ZMAT4: variants seen among roughly 807,000 people sequenced by gnomAD.
ZMAT4 encodes zinc finger matrin-type protein 4.
ZMAT4 carries 17 observed loss-of-function variants against 28.7 expected under a neutral mutation model. The ratio of observed to expected loss-of-function variants is 0.59; its 90% CI spans 0.41 to 0.89. The LOEUF is 0.89. Among genes scored for constraint, ZMAT4 ranks in the 40% least tolerant of loss-of-function variants. The pLI, the probability that ZMAT4 is intolerant of heterozygous loss-of-function variation, is 0.00. For missense variants in ZMAT4, 240 were observed against 283.8 expected (o/e 0.85, Z 1.11); for synonymous variants, 117 against 109.2 (o/e 1.07, Z -0.44).
Position 40,859,597 on chromosome 8 carries a change from C to T in ZMAT4, c.-4-33917G>A, listed in dbSNP as rs150773129. Among the ~76,000 whole-genome samples, 606 of 152,280 alleles carry T rather than the reference C, an allele frequency of 4.0e-3. 3 individuals are homozygous for T. The highest frequency in any genetic ancestry group is 6.8e-3 in the Non-Finnish European group (465 of 68,020). On this transcript the variant is annotated intron_variant, in intron 1 of 6. Coordinates refer to ENST00000297737, the MANE Select transcript of ZMAT4 (RefSeq NM_024645.3). ...AGACAACCCCAATTAAGGACAGAAG[C>T]TCCAGGTAAGAGGCAGTTTCTCCTC...
intron 1 of ZMAT4, among the ~76,000 whole-genome samples, chr8:40,894,165 C>G (rs57639986): frequency 1.8e-4 from 27 of 152,306 alleles, no homozygotes; most frequent in Admixed American, 1.3e-3. Flanking sequence ...TGAGGGCTTG[C>G]GGCTGGTGGG....
chr8:40,847,170 C>T (rs1816932841), intron 1 of ZMAT4, among the ~76,000 whole-genome samples: 1 of 150,050 alleles, frequency 6.7e-6, no homozygotes, highest in African/African-American at 2.5e-5. Context: ...TGCCACTGCA[C>T]TCCAGCCTGG....
intron 2 of ZMAT4, among the ~76,000 whole-genome samples, chr8:40,800,187 A>T (rs1019933612): frequency 1.2e-4 from 18 of 152,248 alleles, no homozygotes; most frequent in African/African-American, 4.3e-4. Context: ...ATTCTCCAAG[A>T]AGACATAACA....
At chr8:40,765,235 G>T (rs1299423075) in intron 3 of ZMAT4, among the ~76,000 whole-genome samples, 1 of 151,990 alleles carries the variant, frequency 6.6e-6, no homozygotes, top group African/African-American at 2.4e-5. Flanking sequence ...TATATATTCA[G>T]TCTCTCAATT....
intron 2 of ZMAT4, among the ~76,000 whole-genome samples, chr8:40,805,638 AGGGACAT>A (rs1420203867): frequency 6.8e-6 from 1 of 146,018 alleles, no homozygotes; most frequent in African/African-American, 2.6e-5. Flanking sequence ...TGTCCTTTGT[AGGGACAT>A]GGATGAAATC....
At position 40,625,820 on chromosome 8, in the gene ZMAT4, A is replaced by C. The variant is rs1806353445; in HGVS notation, c.578-44559T>G. Among the ~76,000 whole-genome samples the C allele has an allele frequency of 5.0e-5, 5 of 99,636 alleles. No individual in the cohort carries two copies. In the Admixed American group the frequency reaches 6.3e-4, roughly 12 times the overall value. The allele number at this position is 99,636 out of a possible 152,430, so 65.4% of individuals were successfully genotyped here. On this transcript the variant is annotated intron_variant, in intron 5 of 6. Coordinates refer to ENST00000297737, the MANE Select transcript of ZMAT4 (RefSeq NM_024645.3). ...TTTGTTAGTCATCTGCATAAAGACCAGACTGGGGGGCTGGGCGCGGTGGAA... is the reference window on the plus strand; with the variant it reads ...TTTGTTAGTCATCTGCATAAAGACCCGACTGGGGGGCTGGGCGCGGTGGAA...
chr8:40,701,961 C>A (rs1478628739), intron 3 of ZMAT4, among the ~76,000 whole-genome samples: 1 of 152,118 alleles, frequency 6.6e-6, no homozygotes, highest in Admixed American at 6.5e-5. Context: ...AGAGATGGGA[C>A]CTTTAAGAAG....
intron 6 of ZMAT4, among the ~76,000 whole-genome samples, chr8:40,558,973 G>A (rs181325483): frequency 1.9e-4 from 29 of 152,328 alleles, no homozygotes; most frequent in Non-Finnish European, 3.4e-4. Context: ...GGCCATGCCA[G>A]AAAAGGGTTA....
intron 2 of ZMAT4, among the ~76,000 whole-genome samples, chr8:40,820,158 A>ATGTGTG (rs138729547): frequency 1.4e-5 from 2 of 147,250 alleles, no homozygotes; most frequent in Admixed American, 6.8e-5. Context: ...ATATGCGAAT[A>ATGTGTG]TGTGTGTGTG....
intron 5 of ZMAT4, among the ~76,000 whole-genome samples, chr8:40,647,732 A>C (rs1250085733): frequency 6.6e-6 from 1 of 152,186 alleles, no homozygotes; most frequent in Non-Finnish European, 1.5e-5. Context: ...GAGATCTGAG[A>C]ACGGACAGAC....
intron 4 of ZMAT4, among the ~76,000 whole-genome samples, chr8:40,682,813 T>G (rs1324948249): frequency 4.6e-5 from 7 of 152,228 alleles, no homozygotes; most frequent in African/African-American, 1.7e-4. Flanking sequence ...TTCATTAATA[T>G]AGAATAATTC....
intron 2 of ZMAT4, among the ~76,000 whole-genome samples, chr8:40,815,425 G>A (rs949072671): frequency 6.6e-6 from 1 of 152,166 alleles, no homozygotes; most frequent in African/African-American, 2.4e-5. Flanking sequence ...AGAGTCAAGG[G>A]TCTACACTGA....
chr8:40,892,086 C>A (rs891196035), intron 1 of ZMAT4, among the ~76,000 whole-genome samples: 1 of 152,198 alleles, frequency 6.6e-6, no homozygotes, highest in African/African-American at 2.4e-5. Flanking sequence ...ACTGGGCCAC[C>A]ACTCCACCCT....
Position 40,749,672 on chromosome 8 carries a change from T to C in ZMAT4, c.192+17969A>G, listed in dbSNP as rs1267179162. Among the ~76,000 whole-genome samples, 10 of 152,216 alleles carry C rather than the reference T, an allele frequency of 6.6e-5. 1 individual carries two copies. Among genetic ancestry groups the C allele is most frequent in the Non-Finnish European group, 1.3e-4 (9 of 68,030 alleles). ...TCACAAAAAATGTTCTACAGGAACCTGGGACTACTAAGGTCACTTATGCAT... is the reference window on the plus strand; with the variant it reads ...TCACAAAAAATGTTCTACAGGAACCCGGGACTACTAAGGTCACTTATGCAT... On this transcript the variant is annotated intron_variant, in intron 3 of 6. Coordinates refer to ENST00000297737, the MANE Select transcript of ZMAT4 (RefSeq NM_024645.3).
At chr8:40,559,370 C>A (rs1216013721) in intron 6 of ZMAT4, among the ~76,000 whole-genome samples, 1 of 152,162 alleles carries the variant, frequency 6.6e-6, no homozygotes, top group Non-Finnish European at 1.5e-5. Flanking sequence ...ATGTAACATG[C>A]ATGTTTGTTC....
intron 1 of ZMAT4, among the ~76,000 whole-genome samples, chr8:40,877,373 G>A (rs1391873741): frequency 2.6e-5 from 4 of 152,140 alleles, no homozygotes; most frequent in African/African-American, 9.7e-5. Context: ...CCTCTGTGTG[G>A]CTGTGAAGTC....
intron 1 of ZMAT4, among the ~76,000 whole-genome samples, chr8:40,865,182 G>A (rs560514287): frequency 3.3e-5 from 5 of 152,136 alleles, no homozygotes; most frequent in South Asian, 2.1e-4. Flanking sequence ...CATTCTCAAC[G>A]GCTTGTAGCA....
rs1356943143 is a variant in ZMAT4 at position 40,853,878 on chromosome 8, T to A, written c.-4-28198A>T. ...CTGTATGATGCTATAAAGGAATACC[T>A]GTGGCTGGGTAATTTATAAAGAAAA... On this transcript the variant is annotated intron_variant, in intron 1 of 6. Coordinates refer to ENST00000297737, the MANE Select transcript of ZMAT4 (RefSeq NM_024645.3). 7.9e-5 allele frequency among the ~76,000 whole-genome samples: 12 copies of A among 152,230 alleles called. No individual in the cohort carries two copies. In the East Asian group the frequency reaches 2.3e-3, roughly 29 times the overall value.
At chr8:40,552,220 T>G (rs1349297396) in intron 6 of ZMAT4, among the ~76,000 whole-genome samples, 1 of 152,186 alleles carries the variant, frequency 6.6e-6, no homozygotes, top group Non-Finnish European at 1.5e-5. Flanking sequence ...AGCTCTCTTT[T>G]GCAGGTTTTG....
Sources: gnomAD v4.1 joint callset for allele counts (sites outside exome capture counted in the v4.1 genomes callset) on GRCh38, gnomAD v4.1.1 for gene constraint, MANE v1.5 for transcripts, NCBI Gene and HGNC (gene_info 2026-07-23, HGNC 2026-07-21) for gene names.